ADARB1: variants seen among roughly 807,000 people sequenced by gnomAD.
The protein encoded by ADARB1 is adenosine deaminase RNA specific B1.
Under a neutral mutation model 52.4 loss-of-function variants are expected in ADARB1, and 10 were observed. That is an observed-to-expected ratio of 0.19 (90% CI 0.12 to 0.32). The LOEUF is 0.32. Ranked by LOEUF, ADARB1 falls within the 10% of genes least tolerant of loss-of-function variation. ADARB1 has a pLI of 1.00. For synonymous variants in ADARB1, 349 were observed against 371.1 expected (o/e 0.94, Z 0.68); for missense variants, 643 against 922.3 (o/e 0.70, Z 3.92).
Position 45,210,392 on chromosome 21 carries a change from C to T in ADARB1, c.1747+5656C>T, listed in dbSNP as rs114024459. On this transcript the variant is annotated intron_variant, in intron 9 of 10. Coordinates refer to ENST00000348831, the MANE Select transcript of ADARB1 (RefSeq NM_001112.4). The stretch of plus-strand genomic sequence containing the variant: ...GGTGTCTTCTAAACTCGAGATCCTA[C>T]GGAGTGCAGTTTGCTTGTTTTTAAA... Among the ~76,000 whole-genome samples, 1,047 of 152,290 alleles carry T rather than the reference C, an allele frequency of 6.9e-3. 16 individuals are homozygous for T. Among genetic ancestry groups the T allele is most frequent in the African/African-American group, 0.024 (1,000 of 41,560 alleles).
chr21:45,179,004 AC>A (rs1336978122), intron 4 of ADARB1, among the ~76,000 whole-genome samples: 2 of 152,130 alleles, frequency 1.3e-5, no homozygotes, highest in Non-Finnish European at 2.9e-5. Context: ...TGAAATGGAA[AC>A]TTTTATTTCC....
intron 1 of ADARB1, among the ~76,000 whole-genome samples, chr21:45,110,200 G>T (rs1251694077): frequency 6.6e-6 from 1 of 152,164 alleles, no homozygotes; most frequent in East Asian, 1.9e-4. Flanking sequence ...TTTCTTCCTT[G>T]AGGAGAAACC....
At chr21:45,198,724 T>C (rs1229601992) in intron 8 of ADARB1, among the ~76,000 whole-genome samples, 3 of 152,032 alleles carry the variant, frequency 2.0e-5, no homozygotes, top group African/African-American at 7.3e-5. Flanking sequence ...AACTCAAAGG[T>C]TACTACAACC....
intron 2 of ADARB1, among the ~76,000 whole-genome samples, chr21:45,156,471 A>C (rs2090645957): frequency 9.3e-6 from 1 of 107,584 alleles, no homozygotes; most frequent in African/African-American, 3.8e-5. Flanking sequence ...ATCATCACCC[A>C]TCATCCATCA....
At chr21:45,196,194 T>A (rs1001799808) in intron 8 of ADARB1, among the ~76,000 whole-genome samples, 6 of 152,158 alleles carry the variant, frequency 3.9e-5, no homozygotes, top group Non-Finnish European at 8.8e-5. Context: ...TGCTGTTCAT[T>A]GCTGGTCACA....
intron 2 of ADARB1, among the ~76,000 whole-genome samples, chr21:45,136,380 A>C (rs2089373010): frequency 6.6e-6 from 1 of 152,212 alleles, no homozygotes; most frequent in African/African-American, 2.4e-5. Flanking sequence ...CTAAGCTGAG[A>C]TGACAGGGAA....
At chr21:45,169,676 T>C (rs2091403534) in intron 2 of ADARB1, among the ~76,000 whole-genome samples, 1 of 152,218 alleles carries the variant, frequency 6.6e-6, no homozygotes, top group Admixed American at 6.5e-5. Context: ...GGAAGTTCCT[T>C]TGCCTATTTA....
At chr21:45,105,451 C>T (rs2087205763) in intron 1 of ADARB1, among the ~76,000 whole-genome samples, 1 of 152,144 alleles carries the variant, frequency 6.6e-6, no homozygotes, top group Non-Finnish European at 1.5e-5. Flanking sequence ...TCTAGAGAAG[C>T]ATTGGTTTCA....
chr21:45,109,200 T>C (rs1307536724), intron 1 of ADARB1, among the ~76,000 whole-genome samples: 15 of 9,422 alleles, frequency 1.6e-3, no homozygotes, highest in Non-Finnish European at 4.2e-3. Context: ...TGTGTGCACG[T>C]GTGTTTGCGC....
intron 9 of ADARB1, among the ~76,000 whole-genome samples, chr21:45,218,968 A>G (rs1277246274): frequency 1.3e-5 from 2 of 152,234 alleles, no homozygotes; most frequent in Non-Finnish European, 2.9e-5. Flanking sequence ...AGCTCAATAT[A>G]TAAATGCAGA....
intron 4 of ADARB1, chr21:45,177,053 A>G: frequency 5.8e-6 from 1 of 172,990 alleles, no homozygotes; most frequent in South Asian, 1.7e-4. Context: ...GTTCAGCACC[A>G]TTTTCCTTCA....
intron 4 of ADARB1, among the ~76,000 whole-genome samples, chr21:45,179,171 G>A (rs781349692): frequency 9.2e-5 from 14 of 152,112 alleles, no homozygotes; most frequent in Non-Finnish European, 1.6e-4. Context: ...TCAGTTCCTC[G>A]CGTCCGCTCA....
intron 3 of ADARB1, 127 bp downstream of exon 3, chr21:45,171,811 C>T (rs185026024): frequency 1.2e-6 from 1 of 835,422 alleles, no homozygotes; most frequent in African/African-American, 1.8e-5. Flanking sequence ...CTTCTACTGA[C>T]AGTGGCATGT....
intron 1 of ADARB1, among the ~76,000 whole-genome samples, chr21:45,119,018 A>G (rs1029510298): frequency 3.9e-5 from 6 of 152,164 alleles, no homozygotes; most frequent in African/African-American, 1.4e-4. Flanking sequence ...CTTTTCTGAC[A>G]TTTTAACAGA....
intron 2 of ADARB1, among the ~76,000 whole-genome samples, chr21:45,155,055 A>G (rs1229810159): frequency 6.6e-6 from 1 of 152,162 alleles, no homozygotes; most frequent in African/African-American, 2.4e-5. Context: ...TTCCAGATGT[A>G]TTTCTCACTG....
intron 1 of ADARB1, among the ~76,000 whole-genome samples, chr21:45,125,852 C>T (rs1424212077): frequency 6.6e-6 from 1 of 152,160 alleles, no homozygotes; most frequent in East Asian, 1.9e-4. Context: ...TTACTAGTTC[C>T]CTTTTTCTGT....
At chr21:45,153,676 G>A (rs1569080619) in intron 2 of ADARB1, among the ~76,000 whole-genome samples, 2 of 152,244 alleles carry the variant, frequency 1.3e-5, no homozygotes, top group African/African-American at 4.8e-5. Context: ...AAAGGTGACA[G>A]CACCTAATGG....
At chr21:45,141,784 C>T (rs2089737776) in intron 2 of ADARB1, among the ~76,000 whole-genome samples, 1 of 151,036 alleles carries the variant, frequency 6.6e-6, no homozygotes, top group African/African-American at 2.4e-5. Flanking sequence ...CCCTGGGTCG[C>T]CTTAGCCACG....
intron 8 of ADARB1, among the ~76,000 whole-genome samples, chr21:45,190,991 TTACAATGGAC>T (rs369242849): frequency 3.9e-5 from 6 of 152,328 alleles, no homozygotes; most frequent in African/African-American, 1.4e-4. Context: ...CTTCCTAGTT[TTACAATGGAC>T]TGGATACTGT....
Sources: allele counts gnomAD v4.1 joint callset (sites outside exome capture counted in the v4.1 genomes callset), GRCh38; gene constraint gnomAD v4.1.1; transcripts MANE v1.5; gene names NCBI Gene and HGNC (gene_info 2026-07-23, HGNC 2026-07-21).